DCBLD2: variants seen among roughly 807,000 people sequenced by gnomAD.
The protein encoded by DCBLD2 is discoidin, CUB and LCCL domain containing 2.
A neutral mutation model predicts 86.8 loss-of-function variants in DCBLD2; 54 were observed. The observed-to-expected ratio is 0.62, with a 90% CI of 0.50 to 0.78. The LOEUF (loss-of-function observed/expected upper bound fraction) is 0.78. DCBLD2 is among the 30% of genes least tolerant of loss of function. The pLI is 0.00. For missense variants in DCBLD2, 908 were observed against 954.2 expected (o/e 0.95, Z 0.64); for synonymous variants, 354 against 341.3 (o/e 1.04, Z -0.41).
At chr3:98,852,512 G>T (rs1172998919) in intron 2 of DCBLD2, among the ~76,000 whole-genome samples, 5 of 152,196 alleles carry the variant, frequency 3.3e-5, no homozygotes, top group African/African-American at 7.2e-5. Context: ...CTCCCAAAGT[G>T]ATGGGATTAC....
At chr3:98,853,024 A>C (rs762853663) in intron 2 of DCBLD2, among the ~76,000 whole-genome samples, 1 of 151,748 alleles carries the variant, frequency 6.6e-6, no homozygotes, top group Non-Finnish European at 1.5e-5. Flanking sequence ...TGAGATGATA[A>C]AACTGCGCTG....
chr3:98,844,363 T>C (rs1942681743), intron 3 of DCBLD2, among the ~76,000 whole-genome samples: 2 of 150,214 alleles, frequency 1.3e-5, no homozygotes, highest in South Asian at 4.2e-4. Flanking sequence ...TTATTATTAT[T>C]ATTATTATTT....
chr3:98,831,887 CAT>C (rs1942330488), intron 3 of DCBLD2, among the ~76,000 whole-genome samples: 1 of 152,068 alleles, frequency 6.6e-6, no homozygotes, highest in African/African-American at 2.4e-5. Flanking sequence ...GAGTATGTGT[CAT>C]GTGGCAATCA....
chr3:98,859,855 C>T (rs564492124), intron 2 of DCBLD2, among the ~76,000 whole-genome samples: 8 of 152,288 alleles, frequency 5.3e-5, no homozygotes, highest in East Asian at 3.9e-4. Flanking sequence ...TCGCCAGCAA[C>T]GGAACAAAGC....
intron 3 of DCBLD2, among the ~76,000 whole-genome samples, chr3:98,826,960 T>C (rs1213516691): frequency 6.6e-6 from 1 of 152,206 alleles, no homozygotes; most frequent in Non-Finnish European, 1.5e-5. Context: ...ACAGCAAGCA[T>C]ATGATAATCG....
intron 1 of DCBLD2, among the ~76,000 whole-genome samples, chr3:98,899,601 T>C (rs1943813917): frequency 6.6e-6 from 1 of 152,182 alleles, no homozygotes; most frequent in Admixed American, 6.5e-5. Context: ...GGTAGACATG[T>C]AACTGATTCT....
rs774989808 is a variant in DCBLD2, at chr3:98,849,530, G to A, written c.502C>T (p.Leu168=). 6.2e-7 allele frequency: 1 copy of A among 1,613,880 alleles called. No individual in the cohort carries two copies. The highest frequency in any genetic ancestry group is 8.5e-7 in the Non-Finnish European group (1 of 1,179,828). Residue 168 remains leucine (L), a synonymous_variant, in exon 3 of 16, where the codon CTG becomes TTG. Coordinates refer to ENST00000326840, the MANE Select transcript of DCBLD2 (RefSeq NM_080927.4). The part of the protein sequence containing the change: ...IESKGNEITL[L]FMSGIHVSGR... ...GAAACATGGATTCCACTCATGAACA[G>A]CAATGTGATTTCATTGCCTTTTGAT...
intron 2 of DCBLD2, among the ~76,000 whole-genome samples, chr3:98,866,533 A>C (rs1340346590): frequency 6.6e-6 from 1 of 151,908 alleles, no homozygotes; most frequent in South Asian, 2.1e-4. Flanking sequence ...TGTTCATATC[A>C]TTTGCCCACT....
intron 2 of DCBLD2, among the ~76,000 whole-genome samples, chr3:98,855,451 C>T (rs928305645): frequency 2.0e-5 from 3 of 152,192 alleles, no homozygotes; most frequent in Non-Finnish European, 4.4e-5. Context: ...CCAGCAATTC[C>T]TCTTCTACGT....
intron 3 of DCBLD2, among the ~76,000 whole-genome samples, chr3:98,836,644 G>A (rs1257834121): frequency 7.4e-6 from 1 of 135,496 alleles, no homozygotes; most frequent in Admixed American, 7.3e-5. Flanking sequence ...CCGGGCAGAG[G>A]GGCTCCTCAC....
chr3:98,879,195 A>G (rs938240555), intron 2 of DCBLD2, among the ~76,000 whole-genome samples: 1 of 152,214 alleles, frequency 6.6e-6, no homozygotes, highest in African/African-American at 2.4e-5. Context: ...CCCATTACTC[A>G]GCTTCACTAA....
chr3:98,820,932 A>G (rs985284809), intron 6 of DCBLD2: 1 of 151,250 alleles, frequency 6.6e-6, no homozygotes, highest in African/African-American at 2.4e-5. Flanking sequence ...AAATCTTTCT[A>G]AAGGTATAAC....
intron 2 of DCBLD2, among the ~76,000 whole-genome samples, chr3:98,858,751 A>G (rs1192939859): frequency 6.6e-6 from 1 of 152,212 alleles, no homozygotes; most frequent in Non-Finnish European, 1.5e-5. Context: ...ATTTTTCAGA[A>G]AAAGTTTATG....
In DCBLD2 at chr3:98,822,217, T is replaced by C; in HGVS notation, c.830+11A>G. 1 of 1,613,412 alleles carries C rather than the reference T, an allele frequency of 6.2e-7. No homozygotes were observed. The highest frequency in any genetic ancestry group is 8.5e-7 in the Non-Finnish European group (1 of 1,179,510). On this transcript the variant is annotated intron_variant, in intron 6 of 15. Transcript: ENST00000326840. The stretch of plus-strand genomic sequence containing the variant: ...TATAGCATATATTTTTTAAATTGCA[T>C]ATATACTTACACCACAGATGTGACG...
chr3:98,806,964 TG>T (rs1035390233), intron 13 of DCBLD2, among the ~76,000 whole-genome samples: 3 of 152,144 alleles, frequency 2.0e-5, no homozygotes, highest in African/African-American at 4.8e-5. Flanking sequence ...TAACTCATCT[TG>T]CTAAGTCTCT....
intron 2 of DCBLD2, among the ~76,000 whole-genome samples, chr3:98,872,887 G>A (rs2107514242): frequency 6.6e-6 from 1 of 152,164 alleles, no homozygotes; most frequent in South Asian, 2.1e-4. Flanking sequence ...ATAAATAAAT[G>A]CGAATGGATT....
At chr3:98,829,802 T>C (rs1480738560) in intron 3 of DCBLD2, among the ~76,000 whole-genome samples, 2 of 152,226 alleles carry the variant, frequency 1.3e-5, no homozygotes, top group Admixed American at 1.3e-4. Context: ...TGGCCCTGCT[T>C]TTAGCACTCT....
chr3:98,863,267 T>A (rs963181455), intron 2 of DCBLD2, among the ~76,000 whole-genome samples: 2 of 152,120 alleles, frequency 1.3e-5, no homozygotes, highest in South Asian at 4.1e-4. Flanking sequence ...AGAATCAATA[T>A]CATGAAAATG....
intron 9 of DCBLD2, among the ~76,000 whole-genome samples, chr3:98,817,349 C>G (rs538573734): frequency 2.6e-5 from 4 of 152,106 alleles, no homozygotes; most frequent in Non-Finnish European, 2.9e-5. Context: ...TCTCTAATAT[C>G]CTATAATTTA....
Sources: gnomAD v4.1 joint callset for allele counts (sites outside exome capture counted in the v4.1 genomes callset) on GRCh38, gnomAD v4.1.1 for gene constraint, MANE v1.5 for transcripts, NCBI Gene and HGNC (gene_info 2026-07-23, HGNC 2026-07-21) for gene names.